The following SAMD3 variants were observed in gnomAD, a reference collection of about 807,000 sequenced individuals.
SAMD3 encodes the protein sterile alpha motif domain containing 3.
A neutral mutation model predicts 58.5 loss-of-function variants in SAMD3; 63 were observed. The observed-to-expected ratio is 1.08, with a 90% CI of 0.88 to 1.33. The LOEUF (loss-of-function observed/expected upper bound fraction) is 1.33, where lower values mean the gene tolerates loss of function less well. Among genes scored for constraint, SAMD3 ranks in the 40% most tolerant of loss-of-function variants. The pLI, the probability that SAMD3 is intolerant of heterozygous loss-of-function variation, is 0.00. For synonymous variants in SAMD3, 220 were observed against 210.3 expected, an observed-to-expected ratio of 1.05 and a Z score of -0.40; for missense variants, 604 against 608.4, an observed-to-expected ratio of 0.99 and a Z score of 0.08.
At chr6:130,298,022 A>C (rs970403091) in intron 2 of SAMD3, among the ~76,000 whole-genome samples, 2 of 152,212 alleles carry the variant, frequency 1.3e-5, no homozygotes, top group African/African-American at 4.8e-5. Flanking sequence ...CAGATATAAG[A>C]AATTCAGAGA....
intron 9 of SAMD3, among the ~76,000 whole-genome samples, chr6:130,150,542 G>A (rs536259855): frequency 6.6e-6 from 1 of 152,074 alleles, no homozygotes; most frequent in Non-Finnish European, 1.5e-5. Context: ...GGTCCTGTCA[G>A]ACTTGATTTT....
intron 1 of SAMD3, among the ~76,000 whole-genome samples, chr6:130,362,851 G>T (rs2115048806): frequency 6.6e-6 from 1 of 152,214 alleles, no homozygotes; most frequent in Admixed American, 6.5e-5. Flanking sequence ...GAAATCCACT[G>T]AACTATTAGT....
intron 4 of SAMD3, among the ~76,000 whole-genome samples, chr6:130,210,529 G>A (rs918752230): frequency 1.3e-5 from 2 of 151,580 alleles, no homozygotes; most frequent in African/African-American, 4.9e-5. Flanking sequence ...AACCTGGGAG[G>A]CAGAGGTTGC....
chr6:130,349,268 C>T (rs1777567984), intron 1 of SAMD3, among the ~76,000 whole-genome samples: 1 of 151,852 alleles, frequency 6.6e-6, no homozygotes. Flanking sequence ...AAAAACCCTT[C>T]AAAAAATCAA....
intron 8 of SAMD3, among the ~76,000 whole-genome samples, chr6:130,157,958 T>A (rs1334122911): frequency 6.8e-6 from 1 of 147,352 alleles, no homozygotes; most frequent in African/African-American, 2.5e-5. Flanking sequence ...AAAAAAAAAA[T>A]TAAATTGCAA....
chr6:130,234,947 T>C (rs1378975839), intron 2 of SAMD3, among the ~76,000 whole-genome samples: 1 of 152,130 alleles, frequency 6.6e-6, no homozygotes, highest in Non-Finnish European at 1.5e-5. Flanking sequence ...ACCCTGTTTC[T>C]ACTAGAAATA....
chr6:130,294,517 CT>C, intron 2 of SAMD3, among the ~76,000 whole-genome samples: 1 of 152,036 alleles, frequency 6.6e-6, no homozygotes, highest in Non-Finnish European at 1.5e-5. Flanking sequence ...AACATTGTTT[CT>C]TTTTTATTCT....
At chr6:130,298,057 T>C (rs1775628084) in intron 2 of SAMD3, among the ~76,000 whole-genome samples, 1 of 152,192 alleles carries the variant, frequency 6.6e-6, no homozygotes, top group African/African-American at 2.4e-5. Flanking sequence ...CTTCACCATA[T>C]GACCATTCCT....
chr6:130,177,318 C>T (rs1264240724), intron 7 of SAMD3, among the ~76,000 whole-genome samples: 2 of 152,106 alleles, frequency 1.3e-5, no homozygotes, highest in Non-Finnish European at 2.9e-5. Context: ...TCTTCCTAGG[C>T]CATGTTGAGT....
At chr6:130,300,977 C>T (rs61021966) in intron 2 of SAMD3, among the ~76,000 whole-genome samples, 2 of 152,000 alleles carry the variant, frequency 1.3e-5, no homozygotes, top group South Asian at 2.1e-4. Context: ...CTCAGCCCCC[C>T]ACCTCCAACC....
chr6:130,297,509 A>T (rs1350217717), intron 2 of SAMD3, among the ~76,000 whole-genome samples: 1 of 152,228 alleles, frequency 6.6e-6, no homozygotes, highest in Non-Finnish European at 1.5e-5. Flanking sequence ...GAAGGATTGC[A>T]TTCTCTTTCT....
At chr6:130,177,183 G>C (rs1437726736) in intron 7 of SAMD3, among the ~76,000 whole-genome samples, 3 of 152,202 alleles carry the variant, frequency 2.0e-5, no homozygotes, top group Admixed American at 1.3e-4. Context: ...CTGAGAGTGT[G>C]CGTTTCTTGC....
At chr6:130,196,792 T>C (rs1794161728) in intron 5 of SAMD3, among the ~76,000 whole-genome samples, 1 of 151,876 alleles carries the variant, frequency 6.6e-6, no homozygotes, top group Admixed American at 6.5e-5. Context: ...CTAAAATACC[T>C]CTTAGTCTAG....
At chr6:130,187,563 G>A (rs1028011410) in intron 5 of SAMD3, among the ~76,000 whole-genome samples, 6 of 151,934 alleles carry the variant, frequency 3.9e-5, no homozygotes, top group Non-Finnish European at 8.8e-5. Context: ...TATTACACAC[G>A]AAAAGTGACT....
intron 8 of SAMD3, 90 bp from the exon 9 acceptor site, chr6:130,155,115 T>C: frequency 1.1e-6 from 1 of 923,432 alleles, no homozygotes; most frequent in Non-Finnish European, 1.7e-6. Flanking sequence ...AACTCATTCC[T>C]AAGGTGAGTA....
rs530196144 is a variant in SAMD3, at chr6:130,208,965, G to A, written c.383+530C>T. Among the ~76,000 whole-genome samples the A allele has an allele frequency of 2.6e-5, 4 of 152,192 alleles. No individual in the cohort carries two copies. The South Asian group carries it at 8.3e-4, about 32-fold the overall frequency. ...CCAAATCCTACATGTGGTTCTCTAAGTCTACAGTTTTTCCTTTGTTTAGTT... is the reference window on the plus strand; with the variant it reads ...CCAAATCCTACATGTGGTTCTCTAAATCTACAGTTTTTCCTTTGTTTAGTT... On this transcript the variant is annotated intron_variant, in intron 5 of 11. Coordinates refer to ENST00000439090, the MANE Select transcript of SAMD3 (RefSeq NM_001017373.4).
At chr6:130,218,933 T>C (rs982626466) in intron 1 of SAMD3, among the ~76,000 whole-genome samples, 10 of 152,090 alleles carry the variant, frequency 6.6e-5, no homozygotes, top group African/African-American at 2.4e-4. Flanking sequence ...CTTAGAATGT[T>C]AAGAGTTTAT....
chr6:130,208,216 G>A (rs117685520), intron 5 of SAMD3, among the ~76,000 whole-genome samples: 3,820 of 152,320 alleles, frequency 0.025, 69 homozygotes, highest in Middle Eastern at 0.041. Flanking sequence ...GCTATTACCC[G>A]ATTATTCTTT....
intron 1 of SAMD3, among the ~76,000 whole-genome samples, chr6:130,222,082 G>A (rs1446669935): frequency 2.0e-5 from 3 of 152,094 alleles, no homozygotes; most frequent in African/African-American, 4.8e-5. Flanking sequence ...TGAAAGTCCT[G>A]GAGTTTACAG....
Sources: gnomAD v4.1 joint callset for allele counts (sites outside exome capture counted in the v4.1 genomes callset) on GRCh38, gnomAD v4.1.1 for gene constraint, MANE v1.5 for transcripts, NCBI Gene and HGNC (gene_info 2026-07-23, HGNC 2026-07-21) for gene names.